The following MCTP1 variants were observed in gnomAD, a reference collection of about 807,000 sequenced individuals.
The protein encoded by MCTP1 is multiple C2 and transmembrane domain containing 1.
MCTP1 carries 69 observed loss-of-function variants against 120.6 expected under a neutral mutation model. That is an observed-to-expected ratio of 0.57 (90% CI 0.47 to 0.70). The LOEUF is 0.70. Among genes scored for constraint, MCTP1 ranks in the 30% least tolerant of loss-of-function variants. The pLI, the probability that MCTP1 is intolerant of heterozygous loss-of-function variation, is 0.00. For synonymous variants in MCTP1, 529 were observed against 493.1 expected, an observed-to-expected ratio of 1.07 and a Z score of -0.96; for missense variants, 1,203 against 1,248.8, an observed-to-expected ratio of 0.96 and a Z score of 0.55.
chr5:94,860,169 C>G lies in MCTP1; in HGVS notation c.2436+8164G>C, dbSNP rs548032597. Among the ~76,000 whole-genome samples, 6 of 151,722 alleles carry G rather than the reference C, an allele frequency of 4.0e-5. No homozygotes were observed. The South Asian group carries it at 1.0e-3, about 26-fold the overall frequency. The stretch of plus-strand genomic sequence containing the variant: ...TATCTTCACTGTTTTAAATCACTCT[C>G]CTATTATAAATCCTTTCTCCCTTCC... On this transcript the variant is annotated intron_variant, in intron 17 of 22. Coordinates refer to ENST00000515393, the MANE Select transcript of MCTP1 (RefSeq NM_024717.7).
At chr5:94,879,335 T>C (rs1361702073) in intron 12 of MCTP1, among the ~76,000 whole-genome samples, 6 of 152,116 alleles carry the variant, frequency 3.9e-5, no homozygotes, top group African/African-American at 9.7e-5. Flanking sequence ...ATTTTCATTA[T>C]GTAAATTTTC....
chr5:95,025,831 A>T (rs1839158804), intron 1 of MCTP1, among the ~76,000 whole-genome samples: 2 of 152,176 alleles, frequency 1.3e-5, no homozygotes, highest in Non-Finnish European at 2.9e-5. Flanking sequence ...CAATATGCAG[A>T]CTAGCTTGAT....
rs144616890 is a variant in MCTP1 at position 95,114,657 on chromosome 5, T to C, written c.721-97173A>G. 7.9e-3 allele frequency among the ~76,000 whole-genome samples: 1,210 copies of C among 152,296 alleles called. 6 individuals are homozygous for C. Among genetic ancestry groups the C allele is most frequent in the South Asian group, 0.013 (62 of 4,834 alleles). On this transcript the variant is annotated intron_variant, in intron 1 of 22. Transcript: ENST00000515393. ...TCAGCCACAGTACAATAGAAAACCA[T>C]GTAGACATCTAAGGTTTTTGACTGT...
At chr5:95,260,499 A>G (rs913306894) in intron 1 of MCTP1, among the ~76,000 whole-genome samples, 2 of 152,088 alleles carry the variant, frequency 1.3e-5, no homozygotes, top group East Asian at 1.9e-4. Context: ...TCGTCTGTGC[A>G]TGGATGAGTG....
chr5:94,873,111 T>A, intron 13 of MCTP1, 28 bp downstream of exon 13: 2 of 1,271,376 alleles, frequency 1.6e-6, no homozygotes, highest in Non-Finnish European at 2.3e-6. Flanking sequence ...CAATTTTGGA[T>A]TCAGAGCCCA....
At chr5:95,207,677 A>G (rs945656531) in intron 1 of MCTP1, among the ~76,000 whole-genome samples, 1 of 152,182 alleles carries the variant, frequency 6.6e-6, no homozygotes, top group African/African-American at 2.4e-5. Flanking sequence ...TACAAAGGCT[A>G]CAGACTAGCA....
chr5:94,804,952 C>CA (rs1167803092), intron 17 of MCTP1, among the ~76,000 whole-genome samples: 3 of 151,314 alleles, frequency 2.0e-5, no homozygotes, highest in Non-Finnish European at 2.9e-5. Flanking sequence ...ATAATTGAAA[C>CA]AAAAAAAATC....
At chr5:95,038,069 G>A (rs1028690459) in intron 1 of MCTP1, 10 of 952,746 alleles carry the variant, frequency 1.0e-5, no homozygotes, top group Non-Finnish European at 1.1e-5. Flanking sequence ...CAAAACTCAC[G>A]TGTATTTTAT....
intron 2 of MCTP1, among the ~76,000 whole-genome samples, chr5:95,009,523 T>C (rs13163860): frequency 0.69 from 103,948 of 151,394 alleles, 38,581 homozygotes; most frequent in Non-Finnish European, 0.86. Context: ...AAATAAATGA[T>C]AAAAAATTTA....
intron 18 of MCTP1, among the ~76,000 whole-genome samples, chr5:94,798,123 A>G (rs1780463495): frequency 6.6e-6 from 1 of 151,756 alleles, no homozygotes; most frequent in Non-Finnish European, 1.5e-5. Context: ...AAACATAGTA[A>G]TCTGCTGAGG....
chr5:94,767,780 G>A (rs1007619537), intron 19 of MCTP1, among the ~76,000 whole-genome samples: 4 of 151,902 alleles, frequency 2.6e-5, no homozygotes, highest in African/African-American at 9.7e-5. Context: ...AATGAAAAGG[G>A]ATCCCATGCC....
chr5:95,091,095 A>C (rs560288751), intron 1 of MCTP1, among the ~76,000 whole-genome samples: 5 of 151,850 alleles, frequency 3.3e-5, no homozygotes, highest in African/African-American at 1.2e-4. Context: ...CCCATTCCAC[A>C]CCTTCCCCCC....
At chr5:94,858,357 C>T (rs1428626735) in intron 17 of MCTP1, among the ~76,000 whole-genome samples, 5 of 151,618 alleles carry the variant, frequency 3.3e-5, no homozygotes, top group African/African-American at 9.6e-5. Context: ...ATGTGATTTC[C>T]ACTAATAGAA....
chr5:95,003,234 G>A (rs1834068604), intron 2 of MCTP1, among the ~76,000 whole-genome samples: 1 of 152,108 alleles, frequency 6.6e-6, no homozygotes, highest in Non-Finnish European at 1.5e-5. Context: ...ATACACAGAT[G>A]TACCATTTTT....
intron 1 of MCTP1, among the ~76,000 whole-genome samples, chr5:95,168,376 T>C (rs1420378353): frequency 6.6e-6 from 1 of 152,176 alleles, no homozygotes; most frequent in Non-Finnish European, 1.5e-5. Flanking sequence ...CTTGGCAATG[T>C]GGGCTCTTTT....
chr5:95,260,465 G>A (rs1212036294), intron 1 of MCTP1, among the ~76,000 whole-genome samples: 3 of 152,154 alleles, frequency 2.0e-5, no homozygotes, highest in African/African-American at 4.8e-5. Context: ...TCCAGACTGC[G>A]CAAAAGCATC....
chr5:95,156,146 G>C (rs1337439965), intron 1 of MCTP1, among the ~76,000 whole-genome samples: 1 of 152,170 alleles, frequency 6.6e-6, no homozygotes, highest in African/African-American at 2.4e-5. Context: ...GAGAACTACA[G>C]TGTGGTGGAC....
intron 1 of MCTP1, 128 bp downstream of exon 1, chr5:95,283,728 T>C (rs1760505106): frequency 9.5e-6 from 6 of 632,514 alleles, no homozygotes; most frequent in Non-Finnish European, 1.4e-5. Flanking sequence ...CTGTTTCATC[T>C]ACTTAGAATT....
intron 1 of MCTP1, among the ~76,000 whole-genome samples, chr5:95,038,872 A>G (rs1255825583): frequency 6.6e-6 from 1 of 152,154 alleles, no homozygotes; most frequent in South Asian, 2.1e-4. Flanking sequence ...TCGTAAAACT[A>G]ACTTTACTGC....
Sources: allele counts gnomAD v4.1 joint callset (sites outside exome capture counted in the v4.1 genomes callset), GRCh38; gene constraint gnomAD v4.1.1; transcripts MANE v1.5; gene names NCBI Gene and HGNC (gene_info 2026-07-23, HGNC 2026-07-21).